The following GRHL2 variants were observed in gnomAD, a reference collection of about 807,000 sequenced individuals.
GRHL2 encodes grainyhead-like protein 2 homolog.
GRHL2 carries 21 observed loss-of-function variants against 83.8 expected under a neutral mutation model. The observed-to-expected ratio is 0.25, with a 90% CI of 0.18 to 0.36. The LOEUF (loss-of-function observed/expected upper bound fraction) is 0.36. Among genes scored for constraint, GRHL2 ranks in the 10% least tolerant of loss-of-function variants. GRHL2 has a pLI of 1.00. For synonymous variants in GRHL2, 280 were observed against 278.9 expected, an observed-to-expected ratio of 1.00 and a Z score of -0.04; for missense variants, 623 against 781.8, an observed-to-expected ratio of 0.80 and a Z score of 2.42.
chr8:101,652,613 G>GTGTGTGGT (rs569391544), intron 14 of GRHL2, among the ~76,000 whole-genome samples: 3 of 123,704 alleles, frequency 2.4e-5, no homozygotes, highest in African/African-American at 1.0e-4. Context: ...GTGTGTGTGT[G>GTGTGTGGT]GTGTGTGTGT....
intron 1 of GRHL2, among the ~76,000 whole-genome samples, chr8:101,501,790 G>A (rs1303793579): frequency 6.6e-6 from 1 of 152,108 alleles, no homozygotes; most frequent in Non-Finnish European, 1.5e-5. Context: ...AGAAATGTAA[G>A]AAGAAATCTT....
In GRHL2 at chr8:101,552,710, T is replaced by C. The variant is rs1200803150; in HGVS notation, c.217-5T>C. The C allele has an allele frequency of 6.2e-7, 1 of 1,613,886 alleles. No homozygotes were observed. Among genetic ancestry groups the C allele is most frequent in the African/African-American group, 1.3e-5 (1 of 74,912 alleles). ...TGTCTGACTGATGGTTGGTGATGTT[T>C]CCAGGTTCCTCGAGACAAGAGGCTG... is the stretch of plus-strand genomic sequence containing the variant. On this transcript the variant is annotated splice_polypyrimidine_tract_variant and splice_region_variant and intron_variant, in intron 2 of 15. Transcript: ENST00000646743.
intron 1 of GRHL2, among the ~76,000 whole-genome samples, chr8:101,507,830 T>G (rs1412642921): frequency 7.4e-6 from 1 of 135,572 alleles, no homozygotes; most frequent in African/African-American, 2.8e-5. Context: ...CAGGCTGGAG[T>G]GCAGTGGTGC....
intron 14 of GRHL2, among the ~76,000 whole-genome samples, chr8:101,653,445 T>C (rs1813715026): frequency 6.6e-6 from 1 of 152,192 alleles, no homozygotes; most frequent in South Asian, 2.1e-4. Flanking sequence ...TACTCATTAC[T>C]GTGGACCTAG....
chr8:101,608,066 G>A (rs961862834), intron 8 of GRHL2, among the ~76,000 whole-genome samples: 6 of 152,200 alleles, frequency 3.9e-5, no homozygotes, highest in African/African-American at 7.2e-5. Context: ...TTGTGTGTGC[G>A]TGTGTACACA....
At chr8:101,625,060 A>G (rs1435060205) in intron 9 of GRHL2, among the ~76,000 whole-genome samples, 1 of 152,156 alleles carries the variant, frequency 6.6e-6, no homozygotes, top group Non-Finnish European at 1.5e-5. Flanking sequence ...TTTTCAAATG[A>G]TGTATAACAG....
chr8:101,552,852 T>G (rs1402267344), intron 3 of GRHL2, 70 bp downstream of exon 3: 2 of 1,459,866 alleles, frequency 1.4e-6, no homozygotes, highest in Non-Finnish European at 1.9e-6. Context: ...AAACTGTATG[T>G]TTTGTTCTTG....
intron 9 of GRHL2, among the ~76,000 whole-genome samples, chr8:101,630,161 A>T (rs182906247): frequency 9.8e-5 from 15 of 152,318 alleles, no homozygotes; most frequent in African/African-American, 3.4e-4. Context: ...CATTCTCCAA[A>T]AATTAGTTTA....
intron 1 of GRHL2, among the ~76,000 whole-genome samples, chr8:101,505,343 C>T (rs1328507454): frequency 6.6e-6 from 1 of 151,986 alleles, no homozygotes; most frequent in Non-Finnish European, 1.5e-5. Flanking sequence ...TTAGGGAGGC[C>T]GAGGCGGGTG....
intron 9 of GRHL2, among the ~76,000 whole-genome samples, chr8:101,625,242 C>G (rs1813058548): frequency 6.6e-6 from 1 of 151,910 alleles, no homozygotes; most frequent in African/African-American, 2.4e-5. Flanking sequence ...ATAGAGGAAC[C>G]TGGCAATCCA....
At chr8:101,517,219 A>C (rs1326777743) in intron 1 of GRHL2, among the ~76,000 whole-genome samples, 1 of 152,102 alleles carries the variant, frequency 6.6e-6, no homozygotes, top group African/African-American at 2.4e-5. Context: ...CTCTTATGGA[A>C]CTTCATCCGG....
intron 1 of GRHL2, 146 bp from the exon 2 acceptor site, chr8:101,543,095 A>G: frequency 1.4e-6 from 1 of 706,132 alleles, no homozygotes; most frequent in South Asian, 1.6e-5. Flanking sequence ...AGTAGTTGTC[A>G]CTTTAACTTT....
chr8:101,661,420 A>G (rs76592068), intron 14 of GRHL2, among the ~76,000 whole-genome samples: 3,953 of 152,204 alleles, frequency 0.026, 143 homozygotes, highest in African/African-American at 0.076. Context: ...ACCTCCCCCA[A>G]ACTCAAATCC....
At position 101,556,894 on chromosome 8, in the gene GRHL2, T is replaced by C. The variant is rs992712348; in HGVS notation, c.285-1525T>C. The stretch of plus-strand genomic sequence containing the variant: ...CATGTTTGTCCTCCTCCTGCTTTTT[T>C]CTTTTTGTGTTTTAAAACTAACTTT... On this transcript the variant is annotated intron_variant, in intron 3 of 15. Transcript: ENST00000646743. Among the ~76,000 whole-genome samples, 88 of 152,228 alleles carry C rather than the reference T, an allele frequency of 5.8e-4. 1 individual carries two copies. The highest frequency in any genetic ancestry group is 7.2e-4 in the Admixed American group (11 of 15,278).
chr8:101,615,444 A>C (rs866344550), intron 8 of GRHL2, among the ~76,000 whole-genome samples: 1 of 152,214 alleles, frequency 6.6e-6, no homozygotes, highest in Non-Finnish European at 1.5e-5. Flanking sequence ...GGAAATATTC[A>C]TCAGAACACT....
At chr8:101,666,248 TAGAG>T (rs948488283) in intron 15 of GRHL2, among the ~76,000 whole-genome samples, 19 of 152,258 alleles carry the variant, frequency 1.2e-4, no homozygotes, top group East Asian at 9.6e-4. Context: ...TGAAAAGAGT[TAGAG>T]AGAGAGCCTA....
chr8:101,634,303 C>T (rs1299043917), intron 11 of GRHL2, among the ~76,000 whole-genome samples: 3 of 152,204 alleles, frequency 2.0e-5, no homozygotes, highest in Non-Finnish European at 4.4e-5. Context: ...CAACCTGTGA[C>T]TATCCTGTGG....
At chr8:101,562,371 A>G in intron 4 of GRHL2, 1 of 659,474 alleles carries the variant, frequency 1.5e-6, no homozygotes, top group Non-Finnish European at 2.5e-6. Context: ...TTCTTTTTAA[A>G]GTTTTTATGA....
intron 3 of GRHL2, among the ~76,000 whole-genome samples, chr8:101,553,982 G>A (rs1261311093): frequency 6.6e-6 from 1 of 152,106 alleles, no homozygotes; most frequent in Non-Finnish European, 1.5e-5. Flanking sequence ...CCCTGCAGTG[G>A]GATGGAGAGA....
Sources: gnomAD v4.1 joint callset for allele counts (sites outside exome capture counted in the v4.1 genomes callset) on GRCh38, gnomAD v4.1.1 for gene constraint, MANE v1.5 for transcripts, NCBI Gene and HGNC (gene_info 2026-07-23, HGNC 2026-07-21) for gene names.